SYNE1: variants seen among roughly 807,000 people sequenced by gnomAD.
SYNE1 encodes spectrin repeat containing nuclear envelope protein 1.
Under a neutral mutation model 1,111.0 loss-of-function variants are expected in SYNE1, and 616 were observed. That is an observed-to-expected ratio of 0.55 (90% CI 0.52 to 0.59). The LOEUF (loss-of-function observed/expected upper bound fraction) is 0.59, where lower values mean the gene tolerates loss of function less well. Among genes scored for constraint, SYNE1 ranks in the 20% least tolerant of loss-of-function variants. The pLI, the probability that SYNE1 is intolerant of heterozygous loss-of-function variation, is 0.00. For synonymous variants in SYNE1, 3,855 were observed against 3,825.8 expected (o/e 1.01, Z -0.28); for missense variants, 10,006 against 10,417.0 (o/e 0.96, Z 1.72).
chr6:152,394,324 T>C (rs1021496642), intron 51 of SYNE1, among the ~76,000 whole-genome samples: 2 of 152,222 alleles, frequency 1.3e-5, no homozygotes, highest in African/African-American at 4.8e-5. Flanking sequence ...TGATTTCTAA[T>C]ATGATTGTTT....
intron 130 of SYNE1, among the ~76,000 whole-genome samples, chr6:152,167,227 T>C (rs2063836886): frequency 6.6e-6 from 1 of 152,190 alleles, no homozygotes; most frequent in African/African-American, 2.4e-5. Context: ...CTGAAACACG[T>C]ATATACAAAC....
chr6:152,491,534 G>A (rs1461948005), intron 11 of SYNE1, among the ~76,000 whole-genome samples: 8 of 151,986 alleles, frequency 5.3e-5, no homozygotes, highest in Admixed American at 5.2e-4. Context: ...AAACCTTACT[G>A]CCTTATTTTC....
chr6:152,355,995 A>G (rs1298088527), intron 66 of SYNE1, among the ~76,000 whole-genome samples: 4 of 152,234 alleles, frequency 2.6e-5, no homozygotes, highest in Non-Finnish European at 5.9e-5. Context: ...ATAGATATAC[A>G]TGGTAAAATA....
At chr6:152,424,167 T>C (rs1284636686) in intron 39 of SYNE1, among the ~76,000 whole-genome samples, 2 of 152,218 alleles carry the variant, frequency 1.3e-5, no homozygotes, top group East Asian at 3.8e-4. Flanking sequence ...AATTAGTTAA[T>C]AAATAATAGG....
At chr6:152,630,462 C>G (rs1397944819) in intron 2 of SYNE1, among the ~76,000 whole-genome samples, 1 of 152,116 alleles carries the variant, frequency 6.6e-6, no homozygotes, top group Non-Finnish European at 1.5e-5. Flanking sequence ...AATTGTGTGC[C>G]CATTAGCAGC....
chr6:152,477,645 C>T (rs2098842886), intron 14 of SYNE1, among the ~76,000 whole-genome samples: 1 of 136,054 alleles, frequency 7.4e-6, no homozygotes, highest in South Asian at 2.5e-4. Context: ...CCTTTATCTG[C>T]CTCCTCTCAC....
chr6:152,450,878 C>A (rs1347033294), intron 26 of SYNE1, 45 bp from the exon 27 acceptor site: 1 of 1,600,866 alleles, frequency 6.2e-7, no homozygotes, highest in Non-Finnish European at 8.6e-7. Context: ...AGAAGCCACA[C>A]AGTACTTCTA....
At chr6:152,364,632 G>A (rs758114073) in intron 63 of SYNE1, among the ~76,000 whole-genome samples, 1 of 149,316 alleles carries the variant, frequency 6.7e-6, no homozygotes, top group Non-Finnish European at 1.5e-5. Flanking sequence ...AGAAAACAGG[G>A]GGAAGGAAGG....
chr6:152,434,089 T>A, intron 33 of SYNE1, 144 bp from the exon 34 acceptor site: 4 of 717,902 alleles, frequency 5.6e-6, no homozygotes, highest in South Asian at 1.9e-5. Flanking sequence ...AAAAAAAAAA[T>A]TGCACAGTTG....
chr6:152,145,075 G>T (rs1318706219), intron 137 of SYNE1: 4 of 293,244 alleles, frequency 1.4e-5, no homozygotes, highest in Non-Finnish European at 2.7e-5. Flanking sequence ...GGTCACTCAT[G>T]CAGGCTGGCG....
intron 3 of SYNE1, among the ~76,000 whole-genome samples, chr6:152,551,764 A>G (rs898265993): frequency 2.0e-5 from 3 of 152,190 alleles, no homozygotes; most frequent in Non-Finnish European, 4.4e-5. Flanking sequence ...CTACTGAATT[A>G]CATATAAAGG....
rs369733657 is a variant in SYNE1 at position 152,346,786 on chromosome 6, T to G, written c.12078+273A>C. 4.4e-3 allele frequency among the ~76,000 whole-genome samples: 657 copies of G among 149,754 alleles called. 2 individuals are homozygous for G. Among genetic ancestry groups the G allele is most frequent in the Admixed American group, 6.8e-3 (102 of 14,972 alleles). On this transcript the variant is annotated intron_variant, in intron 73 of 145. Coordinates refer to ENST00000367255, the MANE Select transcript of SYNE1 (RefSeq NM_182961.4). ...GATCGCGCCACTGCACTCCAGCCTG[T>G]GCGACAGAGTGAGACTCCGTCTCAA...
intron 3 of SYNE1, chr6:152,546,640 CA>C (rs1177787637): frequency 6.6e-6 from 1 of 152,118 alleles, no homozygotes; most frequent in African/African-American, 2.4e-5. Context: ...AATAAAAGTA[CA>C]AATTGGTGTG....
chr6:152,245,640 A>C (rs1357149992), intron 105 of SYNE1, among the ~76,000 whole-genome samples: 1 of 152,250 alleles, frequency 6.6e-6, no homozygotes, highest in Non-Finnish European at 1.5e-5. Context: ...TCAAAAGAAT[A>C]CATGATAATT....
At position 152,155,900 on chromosome 6, in the gene SYNE1, C is replaced by T. The variant is rs377131754; in HGVS notation, c.23978+10G>A. On this transcript the variant is annotated intron_variant, in intron 132 of 145. Coordinates refer to ENST00000367255, the MANE Select transcript of SYNE1 (RefSeq NM_182961.4). ...TCCTCTTCCCTATCTGTTTCAGCAT[C>T]CCAGCTCACTTCAGCCTCCTTTCCA... The T allele has an allele frequency of 3.7e-6, 6 of 1,613,670 alleles. No individual in the cohort carries two copies. The African/African-American group carries it at 8.0e-5, about 22-fold the overall frequency.
At chr6:152,503,830 T>C (rs1392727876) in intron 9 of SYNE1, among the ~76,000 whole-genome samples, 1 of 152,176 alleles carries the variant, frequency 6.6e-6, no homozygotes, top group Non-Finnish European at 1.5e-5. Flanking sequence ...AGAAAAGCAA[T>C]ATTTAATACA....
intron 14 of SYNE1, chr6:152,481,650 T>C (rs1244052355): frequency 7.3e-6 from 3 of 410,576 alleles, no homozygotes; most frequent in Non-Finnish European, 1.4e-5. Flanking sequence ...ATATGCTTAG[T>C]TGCTAATTTG....
At chr6:152,634,672 T>C (rs1201609776) in intron 2 of SYNE1, among the ~76,000 whole-genome samples, 1 of 152,212 alleles carries the variant, frequency 6.6e-6, no homozygotes, top group Non-Finnish European at 1.5e-5. Context: ...TAGAAGAACA[T>C]GAACAAGTAA....
intron 3 of SYNE1, among the ~76,000 whole-genome samples, chr6:152,579,508 CT>C (rs554283167): frequency 1.3e-5 from 2 of 152,054 alleles, no homozygotes; most frequent in Non-Finnish European, 2.9e-5. Context: ...TATTGTGTCA[CT>C]TTTTTTTCTT....
Sources: gnomAD v4.1 joint callset for allele counts (sites outside exome capture counted in the v4.1 genomes callset) on GRCh38, gnomAD v4.1.1 for gene constraint, MANE v1.5 for transcripts, NCBI Gene and HGNC (gene_info 2026-07-23, HGNC 2026-07-21) for gene names.